The following SHISA9 variants were observed in gnomAD, a reference collection of about 807,000 sequenced individuals.
The protein encoded by SHISA9 is shisa family member 9, also known as protein shisa-9.
In SHISA9, 13 loss-of-function variants were observed where a neutral mutation model predicts 38.0. The observed-to-expected ratio is 0.34, with a 90% CI of 0.22 to 0.54. The LOEUF (loss-of-function observed/expected upper bound fraction) is 0.54, where lower values mean the gene tolerates loss of function less well. Ranked by LOEUF, SHISA9 falls within the 20% of genes least tolerant of loss-of-function variation. The pLI is 0.91. For synonymous variants in SHISA9, 275 were observed against 242.0 expected (o/e 1.14, Z -1.27); for missense variants, 538 against 575.8 (o/e 0.93, Z 0.67).
the SHISA9 span, among the ~76,000 whole-genome samples, chr16:13,357,525 G>C: frequency 1.3e-5 from 2 of 152,154 alleles, no homozygotes; most frequent in Admixed American, 1.3e-4. Context: ...AGGAGGACAG[G>C]GGATTGGTCT....
the SHISA9 span, among the ~76,000 whole-genome samples, chr16:13,298,587 G>A: frequency 6.6e-6 from 1 of 152,194 alleles, no homozygotes. Context: ...AAGCTGGTAA[G>A]TGCTGGAGTC....
chr16:13,380,167 TAGAAG>T, the SHISA9 span, among the ~76,000 whole-genome samples: 3 of 151,118 alleles, frequency 2.0e-5, no homozygotes, highest in Non-Finnish European at 4.4e-5. Context: ...CAAAAAAAAA[TAGAAG>T]AGGGATTACA....
chr16:13,202,703 A>C (rs955980383), intron 2 of SHISA9, among the ~76,000 whole-genome samples: 8 of 152,186 alleles, frequency 5.3e-5, no homozygotes, highest in African/African-American at 1.9e-4. Flanking sequence ...AATTCATTTA[A>C]GAATTCCCAT....
At chr16:13,249,776 C>A in the SHISA9 span, among the ~76,000 whole-genome samples, 1 of 152,094 alleles carries the variant, frequency 6.6e-6, no homozygotes, top group South Asian at 2.1e-4. Context: ...CACTCTGTCA[C>A]CCAAGCTAGA....
chr16:12,911,546 C>G, intron 1 of SHISA9: 1 of 235,112 alleles, frequency 4.3e-6, no homozygotes, highest in Non-Finnish European at 6.9e-6. Flanking sequence ...AAACCTGTTG[C>G]TAATTGTGAT....
At chr16:13,242,828 T>C (rs2051444956), downstream of SHISA9, among the ~76,000 whole-genome samples, 2 of 152,234 alleles carry the variant, frequency 1.3e-5, no homozygotes, top group Non-Finnish European at 2.9e-5. Context: ...TGCTCCTGGA[T>C]GACTGGGATT....
At chr16:13,251,516 AG>A in the SHISA9 span, among the ~76,000 whole-genome samples, 1 of 152,044 alleles carries the variant, frequency 6.6e-6, no homozygotes, top group South Asian at 2.1e-4. Flanking sequence ...TTGCGGGGAG[AG>A]GGGTATTGGA....
At chr16:13,416,192 G>C in the SHISA9 span, among the ~76,000 whole-genome samples, 1 of 152,088 alleles carries the variant, frequency 6.6e-6, no homozygotes, top group Non-Finnish European at 1.5e-5. Context: ...GCTAGCTGAA[G>C]GCTTATAGAA....
the SHISA9 span, among the ~76,000 whole-genome samples, chr16:13,399,094 A>C: frequency 6.6e-6 from 1 of 151,966 alleles, no homozygotes; most frequent in East Asian, 1.9e-4. Flanking sequence ...TGTCCACCAA[A>C]AATACAAAAA....
chr16:13,281,159 C>T, the SHISA9 span, among the ~76,000 whole-genome samples: 769 of 151,818 alleles, frequency 5.1e-3, 7 homozygotes, highest in African/African-American at 0.017. Flanking sequence ...GATGAAGAGA[C>T]TAATGCTACA....
At chr16:12,912,037 T>C (rs1207903836) in intron 1 of SHISA9, among the ~76,000 whole-genome samples, 1 of 152,216 alleles carries the variant, frequency 6.6e-6, no homozygotes, top group Non-Finnish European at 1.5e-5. Context: ...GGACTGCTGG[T>C]GGTCATCTTC....
At chr16:13,020,055 C>G (rs2072833394) in intron 2 of SHISA9, among the ~76,000 whole-genome samples, 2 of 136,932 alleles carry the variant, frequency 1.5e-5, no homozygotes, top group African/African-American at 5.5e-5. Flanking sequence ...TTGACAGAGT[C>G]TTGCTGTGTC....
At chr16:13,253,050 A>G in the SHISA9 span, among the ~76,000 whole-genome samples, 1 of 152,186 alleles carries the variant, frequency 6.6e-6, no homozygotes, top group African/African-American at 2.4e-5. Context: ...CACTTAATAA[A>G]TAGGAAATAT....
the SHISA9 span, among the ~76,000 whole-genome samples, chr16:13,250,980 C>G: frequency 2.0e-5 from 3 of 152,174 alleles, no homozygotes; most frequent in Admixed American, 2.0e-4. Context: ...TTCTAGAAAC[C>G]TGAGCTTAGT....
chr16:12,978,528 C>T (rs992282649), intron 2 of SHISA9, among the ~76,000 whole-genome samples: 1 of 152,176 alleles, frequency 6.6e-6, no homozygotes, highest in African/African-American at 2.4e-5. Flanking sequence ...CAGTGATGCA[C>T]ATTACTACTT....
At chr16:13,316,891 G>T in the SHISA9 span, among the ~76,000 whole-genome samples, 1 of 152,148 alleles carries the variant, frequency 6.6e-6, no homozygotes. Flanking sequence ...TTAAACCTGG[G>T]CAGCCTGATG....
the SHISA9 span, among the ~76,000 whole-genome samples, chr16:13,286,723 C>G: frequency 6.6e-6 from 1 of 152,104 alleles, no homozygotes. Context: ...CCTAGGACAG[C>G]AGACATCCAT....
the SHISA9 span, among the ~76,000 whole-genome samples, chr16:13,481,587 C>G: frequency 6.6e-6 from 1 of 152,136 alleles, no homozygotes; most frequent in South Asian, 2.1e-4. Context: ...GTGTCTCTGC[C>G]CTGTAAACAC....
the SHISA9 span, among the ~76,000 whole-genome samples, chr16:13,249,985 C>T: frequency 2.4e-4 from 36 of 152,176 alleles, no homozygotes; most frequent in Non-Finnish European, 2.6e-4. Context: ...GCTTCCGCCT[C>T]GGTCTGCTGA....
Sources: allele counts gnomAD v4.1 joint callset (sites outside exome capture counted in the v4.1 genomes callset), GRCh38; gene constraint gnomAD v4.1.1; transcripts MANE v1.5; gene names NCBI Gene and HGNC (gene_info 2026-07-23, HGNC 2026-07-21).